NELL1: variants seen among roughly 807,000 people sequenced by gnomAD.
NELL1 encodes neural EGFL like 1.
In NELL1, 76 loss-of-function variants were observed where a neutral mutation model predicts 107.4. The ratio of observed to expected loss-of-function variants is 0.71; its 90% CI spans 0.59 to 0.86. The LOEUF is 0.86. NELL1 is among the 40% of genes least tolerant of loss of function. The pLI, the probability that NELL1 is intolerant of heterozygous loss-of-function variation, is 0.00. For missense variants in NELL1, 1,024 were observed against 1,005.5 expected (o/e 1.02, Z -0.25); for synonymous variants, 353 against 341.2 (o/e 1.03, Z -0.38).
At chr11:20,692,550 A>C (rs893498670) in intron 2 of NELL1, among the ~76,000 whole-genome samples, 9 of 150,508 alleles carry the variant, frequency 6.0e-5, no homozygotes, top group Admixed American at 5.3e-4. Context: ...TGTACCCAGT[A>C]GTCATTCAGG....
chr11:21,381,666 C>G (rs558755108), intron 15 of NELL1, among the ~76,000 whole-genome samples: 15 of 152,006 alleles, frequency 9.9e-5, no homozygotes, highest in Non-Finnish European at 1.8e-4. Flanking sequence ...CTACTGAAGT[C>G]TCTCTCATTC....
intron 12 of NELL1, among the ~76,000 whole-genome samples, chr11:20,977,774 T>C (rs1168544257): frequency 6.6e-6 from 1 of 152,218 alleles, no homozygotes; most frequent in Non-Finnish European, 1.5e-5. Context: ...ACTTGGTAAA[T>C]AATTGTTGAG....
intron 15 of NELL1, among the ~76,000 whole-genome samples, chr11:21,530,680 G>C (rs574814921): frequency 3.9e-5 from 6 of 152,092 alleles, no homozygotes; most frequent in Admixed American, 3.3e-4. Flanking sequence ...AATATCTAAA[G>C]ATTAGAGGTA....
intron 12 of NELL1, among the ~76,000 whole-genome samples, chr11:20,997,572 C>T (rs1299216776): frequency 5.9e-5 from 9 of 152,122 alleles, no homozygotes; most frequent in Non-Finnish European, 1.3e-4. Flanking sequence ...ACAAACTCAC[C>T]ATGGTATATA....
intron 13 of NELL1, among the ~76,000 whole-genome samples, chr11:21,208,878 C>G (rs191075443): frequency 3.2e-4 from 49 of 152,108 alleles, no homozygotes; most frequent in Admixed American, 1.9e-3. Context: ...TTCTGTATAC[C>G]CAAAGACTCA....
At chr11:21,054,915 C>G (rs558564730) in intron 12 of NELL1, among the ~76,000 whole-genome samples, 37 of 151,972 alleles carry the variant, frequency 2.4e-4, no homozygotes, top group Non-Finnish European at 4.7e-4. Flanking sequence ...CCCTTAAAAT[C>G]TTTATCATCT....
intron 14 of NELL1, among the ~76,000 whole-genome samples, chr11:21,300,116 G>A (rs1001827262): frequency 5.3e-5 from 8 of 151,968 alleles, no homozygotes; most frequent in Admixed American, 2.0e-4. Flanking sequence ...TGTTGTGACT[G>A]AAAACCCCTG....
At chr11:21,001,615 A>T (rs892658935) in intron 12 of NELL1, among the ~76,000 whole-genome samples, 1 of 152,136 alleles carries the variant, frequency 6.6e-6, no homozygotes. Flanking sequence ...CAGATGGTTT[A>T]TTAAGAAAGA....
chr11:21,247,780 G>A (rs575056235), intron 14 of NELL1, among the ~76,000 whole-genome samples: 14 of 152,130 alleles, frequency 9.2e-5, no homozygotes, highest in Non-Finnish European at 1.6e-4. Context: ...ATGCTATACC[G>A]TTATATGATT....
chr11:21,343,094 A>G (rs1319258651), intron 14 of NELL1, among the ~76,000 whole-genome samples: 2 of 152,108 alleles, frequency 1.3e-5, no homozygotes, highest in Non-Finnish European at 2.9e-5. Context: ...TGCAATAGAT[A>G]CTGCTCTTTG....
intron 13 of NELL1, among the ~76,000 whole-genome samples, chr11:21,172,741 T>A (rs565077973): frequency 2.0e-5 from 3 of 151,866 alleles, no homozygotes; most frequent in Admixed American, 6.6e-5. Flanking sequence ...CTATCTGCAT[T>A]TTCAGGAATG....
At chr11:21,490,177 GC>G (rs1429440735) in intron 15 of NELL1, among the ~76,000 whole-genome samples, 3 of 151,700 alleles carry the variant, frequency 2.0e-5, no homozygotes, top group African/African-American at 4.8e-5. Flanking sequence ...AATCAAGAAA[GC>G]AATTTTATTT....
chr11:21,239,582 A>G (rs1858298634), intron 14 of NELL1, among the ~76,000 whole-genome samples: 1 of 152,186 alleles, frequency 6.6e-6, no homozygotes, highest in African/African-American at 2.4e-5. Flanking sequence ...TAGGCCATTT[A>G]AGTTTTAGCC....
chr11:21,169,830 C>T (rs1336532325), intron 13 of NELL1: 1 of 1,409,416 alleles, frequency 7.1e-7, no homozygotes, highest in Non-Finnish European at 9.9e-7. Context: ...GAGCCCGATG[C>T]AAGTGCTTGC....
intron 15 of NELL1, among the ~76,000 whole-genome samples, chr11:21,513,560 G>C (rs1373696260): frequency 1.3e-5 from 2 of 152,118 alleles, no homozygotes; most frequent in African/African-American, 4.8e-5. Context: ...AATAGGCCTA[G>C]TTTTCTCAAA....
intron 14 of NELL1, among the ~76,000 whole-genome samples, chr11:21,369,100 T>A (rs946957725): frequency 3.3e-5 from 5 of 152,072 alleles, no homozygotes; most frequent in Non-Finnish European, 7.4e-5. Flanking sequence ...TTAGATGAAG[T>A]GCAGTTTCAA....
chr11:21,279,905 C>T (rs1013900989), intron 14 of NELL1, among the ~76,000 whole-genome samples: 9 of 152,094 alleles, frequency 5.9e-5, no homozygotes, highest in Non-Finnish European at 1.3e-4. Flanking sequence ...AACTATCAAG[C>T]CATGAAAAGA....
chr11:21,306,400 G>C (rs780931979), intron 14 of NELL1, among the ~76,000 whole-genome samples: 1 of 151,968 alleles, frequency 6.6e-6, no homozygotes, highest in Admixed American at 6.6e-5. Flanking sequence ...GCATAAGCTA[G>C]TTCACGACTT....
chr11:20,696,192 C>T (rs184446799), intron 2 of NELL1, among the ~76,000 whole-genome samples: 121 of 151,984 alleles, frequency 8.0e-4, no homozygotes, highest in Admixed American at 3.4e-3. Flanking sequence ...CTAGCTAGTG[C>T]TCTATTGATC....
Sources: allele counts gnomAD v4.1 joint callset (sites outside exome capture counted in the v4.1 genomes callset), GRCh38; gene constraint gnomAD v4.1.1; transcripts MANE v1.5; gene names NCBI Gene and HGNC (gene_info 2026-07-23, HGNC 2026-07-21).